The following PIP5K1C variants were observed in gnomAD, a reference collection of about 807,000 sequenced individuals.
The protein encoded by PIP5K1C is phosphatidylinositol-4-phosphate 5-kinase type 1 gamma, also known as phosphatidylinositol 4-phosphate 5-kinase type-1 gamma.
Under a neutral mutation model 80.1 loss-of-function variants are expected in PIP5K1C, and 45 were observed. The observed-to-expected ratio is 0.56, with a 90% CI of 0.44 to 0.72. The LOEUF (loss-of-function observed/expected upper bound fraction) is 0.72, where lower values mean the gene tolerates loss of function less well. Among genes scored for constraint, PIP5K1C ranks in the 30% least tolerant of loss-of-function variants. The pLI, the probability that PIP5K1C is intolerant of heterozygous loss-of-function variation, is 0.00. For missense variants in PIP5K1C, 753 were observed against 954.6 expected, an observed-to-expected ratio of 0.79 and a Z score of 2.78; for synonymous variants, 498 against 420.1, an observed-to-expected ratio of 1.19 and a Z score of -2.27.
At chr19:3,639,066 G>A (rs1370459713) in intron 15 of PIP5K1C, 50 bp from the exon 16 acceptor site, 2 of 1,597,072 alleles carry the variant, frequency 1.3e-6, no homozygotes, top group East Asian at 2.2e-5. Flanking sequence ...CCCACACGGA[G>A]ACTCCCCGCG....
Position 3,647,364 on chromosome 19 carries a change from T to C in PIP5K1C, c.1234A>G (p.Thr412Ala). Residue 412 changes from threonine to alanine, a missense_variant, in exon 10 of 18, where the codon ACC (threonine) becomes GCC (alanine). By Grantham distance (58) the Thr-to-Ala change is moderately conservative. This residue lies in a region of PIP5K1C where 114 missense variants were observed against 152.4 expected (regional missense o/e 0.75). Coordinates refer to ENST00000335312, the MANE Select transcript of PIP5K1C (RefSeq NM_012398.3). ...SYRFIKKLEH[T>A]WKALVHDGDT... is the part of the protein sequence containing the mutation. The stretch of plus-strand genomic sequence containing the variant: ...CCATCGTGGACGAGGGCCTTCCAGG[T>C]GTGCTCCAGTTTCTTGATGAACCTG... 6.3e-7 allele frequency: 1 copy of C among 1,581,520 alleles called. No individual in the cohort carries two copies. The highest frequency in any genetic ancestry group is 8.6e-7 in the Non-Finnish European group (1 of 1,162,642).
chr19:3,697,955 C>G (rs1390119990), intron 1 of PIP5K1C, among the ~76,000 whole-genome samples: 1 of 152,258 alleles, frequency 6.6e-6, no homozygotes, highest in Non-Finnish European at 1.5e-5. Context: ...ATTAGAGGAA[C>G]CAAATTCTAA....
At position 3,637,519 on chromosome 19, in the gene PIP5K1C, C is replaced by T. The variant is rs1414888286; in HGVS notation, c.1920+1365G>A. 2.4e-5 allele frequency: 37 copies of T among 1,532,054 alleles called. No homozygotes were observed. The highest frequency in any genetic ancestry group is 1.4e-4 in the Admixed American group (7 of 50,764). The allele number at this position is 1,532,054 out of a possible 1,614,324, so 94.9% of individuals were successfully genotyped here. ...CACTGCCCCTTCTCCCCAGGGTGGC[C>T]GGCTGCGGTCACTTACAGTCCCCGA... On this transcript the variant is annotated intron_variant, in intron 16 of 17. Coordinates refer to ENST00000335312, the MANE Select transcript of PIP5K1C (RefSeq NM_012398.3). The surrounding 1 kb of genome is among the most constrained non-coding windows in gnomAD (Gnocchi z 7.0).
At chr19:3,655,878 T>A (rs1039733983) in intron 6 of PIP5K1C, among the ~76,000 whole-genome samples, 4 of 151,758 alleles carry the variant, frequency 2.6e-5, no homozygotes, top group African/African-American at 4.8e-5. Context: ...CTACTCCTAC[T>A]CCCCCCTCCC....
At chr19:3,676,313 A>G (rs1465091110) in intron 1 of PIP5K1C, among the ~76,000 whole-genome samples, 2 of 152,296 alleles carry the variant, frequency 1.3e-5, no homozygotes, top group East Asian at 3.9e-4. Context: ...GAGTCGCCGT[A>G]AACTGTCACC....
At position 3,700,377 on chromosome 19, in the gene PIP5K1C, A is replaced by G; in HGVS notation, c.14T>C (p.Val5Ala). Reference sequence around the variant, plus strand: ...CTCAGCGCTCTCCGCCTCGTCCGGTACCTCCAGCTCCATGGCCGCGCGCGG... The same window carrying G: ...CTCAGCGCTCTCCGCCTCGTCCGGTGCCTCCAGCTCCATGGCCGCGCGCGG... MELE[V>A]PDEAESAEAG... Residue 5 changes from valine (V) to alanine (A), a missense_variant, in exon 1 of 18, where the codon GTA becomes GCA. Transcript: ENST00000335312. 7.9e-7 allele frequency: 1 copy of G among 1,265,116 alleles called. No homozygotes were observed. The highest frequency in any genetic ancestry group is 1.0e-6 in the Non-Finnish European group (1 of 987,314). 78.4% of individuals were successfully genotyped at this position (1,265,116 alleles called of 1,614,324 possible).
At chr19:3,678,541 G>A (rs1220034707) in intron 1 of PIP5K1C, among the ~76,000 whole-genome samples, 2 of 119,066 alleles carry the variant, frequency 1.7e-5, no homozygotes, top group African/African-American at 3.3e-5. Context: ...GATGGAGGGA[G>A]GGATGGAGAG....
chr19:3,684,173 G>T (rs1238046497), intron 1 of PIP5K1C, among the ~76,000 whole-genome samples: 2 of 152,128 alleles, frequency 1.3e-5, no homozygotes, highest in Non-Finnish European at 2.9e-5. Context: ...ACGATAAGAA[G>T]AGCCTCCCGC....
At chr19:3,656,102 G>T (rs373999545) in intron 6 of PIP5K1C, among the ~76,000 whole-genome samples, 1 of 152,218 alleles carries the variant, frequency 6.6e-6, no homozygotes, top group Non-Finnish European at 1.5e-5. Flanking sequence ...TGGGGCCCAC[G>T]GCTCATAGGG....
chr19:3,651,238 TAG>T (rs2034437499), intron 8 of PIP5K1C, among the ~76,000 whole-genome samples: 1 of 151,648 alleles, frequency 6.6e-6, no homozygotes, highest in African/African-American at 2.4e-5. Flanking sequence ...ATATTTTTTG[TAG>T]AGATGGGGTC....
chr19:3,691,182 C>T (rs926170069), intron 1 of PIP5K1C, among the ~76,000 whole-genome samples: 12 of 152,196 alleles, frequency 7.9e-5, no homozygotes, highest in African/African-American at 2.2e-4. Context: ...GCTGCAATGA[C>T]GCAGTGAGGG....
chr19:3,640,438 C>T (rs2145390551), intron 15 of PIP5K1C, among the ~76,000 whole-genome samples: 1 of 152,216 alleles, frequency 6.6e-6, no homozygotes, highest in South Asian at 2.1e-4. Context: ...ATCACTTGAA[C>T]CCAGGAGGTG....
In PIP5K1C at chr19:3,637,241, G is replaced by A. The variant is rs2033725926; in HGVS notation, c.1920+1643C>T. 1 of 1,447,734 alleles carries A rather than the reference G, an allele frequency of 6.9e-7. No individual in the cohort carries two copies. The highest frequency in any genetic ancestry group is 2.6e-5 in the Admixed American group (1 of 38,506). The allele number at this position is 1,447,734 out of a possible 1,614,324, so 89.7% of individuals were successfully genotyped here. On this transcript the variant is annotated intron_variant, in intron 16 of 17. Coordinates refer to ENST00000335312, the MANE Select transcript of PIP5K1C (RefSeq NM_012398.3). This position sits in a 1 kb window ranked among gnomAD's most constrained non-coding sequence, Gnocchi z 7.0. ...CCAGGGGCAGAGAGGGGCTCGCTGG[G>A]GTCTGGCCGGGGTCCGAAGCAGACC...
At position 3,700,365 on chromosome 19, in the gene PIP5K1C, G is replaced by C; in HGVS notation, c.26C>G (p.Ala9Gly). 1 of 1,278,114 alleles carries C rather than the reference G, an allele frequency of 7.8e-7. No individual in the cohort carries two copies. Among genetic ancestry groups the C allele is most frequent in the Non-Finnish European group, 1.0e-6 (1 of 994,876 alleles). The allele number at this position is 1,278,114 out of a possible 1,614,324, so 79.2% of individuals were successfully genotyped here. A position where few individuals can be genotyped will look rare whatever the true frequency, so the allele number is the denominator to read the frequency against. ...CACGGCCCCCGCCTCAGCGCTCTCC[G>C]CCTCGTCCGGTACCTCCAGCTCCAT... MELEVPDEAESAEAGAVPS... is the reference protein window; with the variant it reads MELEVPDEGESAEAGAVPS... The change falls in exon 1 of 18, where the codon GCG (alanine) becomes GGG (glycine). Residue 9 changes from alanine to glycine, a missense_variant. Around this residue, in one of 6 missense-constraint regions of PIP5K1C, gnomAD observed 78 missense variants for 67.1 expected, o/e 1.16. Coordinates refer to ENST00000335312, the MANE Select transcript of PIP5K1C (RefSeq NM_012398.3).
intron 16 of PIP5K1C, 101 bp from the exon 17 acceptor site, chr19:3,633,621 A>T: frequency 6.4e-6 from 5 of 781,932 alleles, no homozygotes; most frequent in Non-Finnish European, 7.2e-6. Flanking sequence ...AACATAAAAG[A>T]GGCGAATCCC....
At chr19:3,642,820 C>A (rs2034021572) in intron 14 of PIP5K1C, 87 bp downstream of exon 14, 1 of 1,042,272 alleles carries the variant, frequency 9.6e-7, no homozygotes. Flanking sequence ...GGGCAGAGAG[C>A]AGAGGGGCTG....
chr19:3,695,763 T>A (rs933583833), intron 1 of PIP5K1C, among the ~76,000 whole-genome samples: 17 of 149,280 alleles, frequency 1.1e-4, no homozygotes, highest in African/African-American at 4.0e-4. Flanking sequence ...ACGATTCTGC[T>A]GTCACCCAGG....
intron 15 of PIP5K1C, among the ~76,000 whole-genome samples, chr19:3,640,842 A>G (rs1298245804): frequency 1.3e-5 from 2 of 151,400 alleles, no homozygotes; most frequent in African/African-American, 4.9e-5. Context: ...GTCCACCACC[A>G]CGCCCGGCTA....
intron 1 of PIP5K1C, among the ~76,000 whole-genome samples, chr19:3,670,269 C>G (rs1238032570): frequency 6.6e-6 from 1 of 152,198 alleles, no homozygotes; most frequent in East Asian, 1.9e-4. Context: ...GAACCTCAGC[C>G]TGCAACCGTA....
Sources: gnomAD v4.1 joint callset for allele counts (sites outside exome capture counted in the v4.1 genomes callset) on GRCh38, gnomAD v4.1.1 for gene constraint, gnomAD v4.1.1 regional missense constraint, Gnocchi (gnomAD v3.1) non-coding constraint, MANE v1.5 for transcripts, NCBI Gene and HGNC (gene_info 2026-07-23, HGNC 2026-07-21) for gene names.